Variants in ANKRD29 observed in about 807,000 individuals in gnomAD.
ANKRD29 encodes the protein ankyrin repeat domain 29.
Under a neutral mutation model 38.0 loss-of-function variants are expected in ANKRD29, and 32 were observed. The observed-to-expected ratio is 0.84, with a 90% CI of 0.64 to 1.13. ANKRD29 has a LOEUF of 1.13. Ranked by LOEUF, ANKRD29 falls within the 50% of genes most tolerant of loss-of-function variation. The probability of loss-of-function intolerance (pLI) is 0.00; values close to 1 mark genes in which losing one functional copy is unlikely to be tolerated. For missense variants in ANKRD29, 357 were observed against 377.9 expected (o/e 0.94, Z 0.46); for synonymous variants, 135 against 152.4 (o/e 0.89, Z 0.84).
At chr18:23,623,251 A>G (rs1041915065) in intron 6 of ANKRD29, among the ~76,000 whole-genome samples, 4 of 152,194 alleles carry the variant, frequency 2.6e-5, no homozygotes, top group Non-Finnish European at 5.9e-5. Context: ...GCAGGTAGGA[A>G]TGAGTGGGAA....
chr18:23,601,495 T>C (rs759365084), intron 9 of ANKRD29, among the ~76,000 whole-genome samples, 186 bp from the exon 10 acceptor site: 6 of 152,168 alleles, frequency 3.9e-5, no homozygotes, highest in Non-Finnish European at 8.8e-5. Flanking sequence ...GTTATATCCT[T>C]ATCTCATTCT....
chr18:23,632,179 C>T (rs889987385), intron 5 of ANKRD29, among the ~76,000 whole-genome samples: 3 of 152,252 alleles, frequency 2.0e-5, no homozygotes, highest in Admixed American at 6.5e-5. Context: ...ATAACATTTT[C>T]GGAAAGTCTA....
At chr18:23,646,325 G>T in intron 2 of ANKRD29, 38 bp from the exon 3 acceptor site, 1 of 1,569,388 alleles carries the variant, frequency 6.4e-7, no homozygotes, top group Non-Finnish European at 8.8e-7. Context: ...TTAGGCCACT[G>T]CTATGTCAGA....
intron 6 of ANKRD29, among the ~76,000 whole-genome samples, chr18:23,626,383 T>C (rs2059862419): frequency 6.6e-6 from 1 of 152,212 alleles, no homozygotes; most frequent in South Asian, 2.1e-4. Context: ...TATTAAAGTA[T>C]TGTTTTAATA....
chr18:23,644,989 G>GA (rs1877959728), intron 3 of ANKRD29, among the ~76,000 whole-genome samples: 1 of 152,208 alleles, frequency 6.6e-6, no homozygotes, highest in Admixed American at 6.5e-5. Flanking sequence ...ACTCAGAGGT[G>GA]ACGGTCCAGG....
rs146092150 is a variant in ANKRD29, at chr18:23,644,223, C to G, written c.231+1966G>C. On this transcript the variant is annotated intron_variant, in intron 3 of 9. Transcript: ENST00000592179. ...CCATAGACTGGCTAGAAATCAAATA[C>G]TTCTCTCCTCTTCTAGCTGCTTTTC... is the stretch of plus-strand genomic sequence containing the variant. Among the ~76,000 whole-genome samples the G allele has an allele frequency of 2.9e-3, 443 of 152,328 alleles. 2 individuals are homozygous for G. Among genetic ancestry groups the G allele is most frequent in the African/African-American group, 9.9e-3 (413 of 41,578 alleles).
intron 2 of ANKRD29, 173 bp downstream of exon 2, chr18:23,648,910 C>T: frequency 1.9e-6 from 1 of 531,778 alleles, no homozygotes; most frequent in Non-Finnish European, 3.2e-6. Context: ...TCTGACTTCC[C>T]CCAGCATGTT....
intron 4 of ANKRD29, among the ~76,000 whole-genome samples, chr18:23,635,660 A>C (rs958951461): frequency 6.6e-6 from 1 of 152,236 alleles, no homozygotes; most frequent in Non-Finnish European, 1.5e-5. Context: ...GTGTTTATTC[A>C]AAATGCCTAC....
intron 8 of ANKRD29, among the ~76,000 whole-genome samples, chr18:23,615,775 G>C (rs1157578557): frequency 1.3e-5 from 2 of 151,650 alleles, no homozygotes; most frequent in African/African-American, 2.4e-5. Context: ...AGTTGGGAGA[G>C]ACTTGTATGG....
intron 1 of ANKRD29, among the ~76,000 whole-genome samples, chr18:23,651,518 T>C (rs1401576623): frequency 6.6e-6 from 1 of 152,168 alleles, no homozygotes; most frequent in East Asian, 1.9e-4. Flanking sequence ...TCTGGTAGGG[T>C]GAATCAGGCA....
intron 4 of ANKRD29, among the ~76,000 whole-genome samples, chr18:23,636,891 T>G (rs1292714398): frequency 1.3e-5 from 2 of 152,212 alleles, no homozygotes; most frequent in East Asian, 3.8e-4. Context: ...AACACAGTTT[T>G]GGGGCATATA....
At chr18:23,601,429 C>A in intron 9 of ANKRD29, 120 bp from the exon 10 acceptor site, 1 of 701,760 alleles carries the variant, frequency 1.4e-6, no homozygotes, top group South Asian at 1.7e-5. Flanking sequence ...CCACACTGGA[C>A]TCACTCTTTT....
At chr18:23,662,658 C>T in intron 1 of ANKRD29, 52 bp downstream of exon 1, 2 of 1,180,484 alleles carry the variant, frequency 1.7e-6, no homozygotes, top group Non-Finnish European at 2.2e-6. Flanking sequence ...CCCCGCGGGC[C>T]CGGCCGCCCG....
intron 7 of ANKRD29, chr18:23,618,739 A>G (rs1404237318): frequency 6.7e-6 from 1 of 149,154 alleles, no homozygotes; most frequent in Non-Finnish European, 1.5e-5. Flanking sequence ...GATTTAGTCC[A>G]TAATTCTCCC....
In ANKRD29 at chr18:23,612,965, C is replaced by T. The variant is rs189183394; in HGVS notation, c.724-775G>A. ...ATAGTACCTAATGCAAACTTAGTTT[C>T]CTAATTAGTTGCTCATAATAAAAAC... On this transcript the variant is annotated intron_variant, in intron 8 of 9. Coordinates refer to ENST00000592179, the MANE Select transcript of ANKRD29 (RefSeq NM_173505.4). 9.9e-5 allele frequency among the ~76,000 whole-genome samples: 15 copies of T among 151,988 alleles called. No individual in the cohort carries two copies. In the East Asian group the frequency reaches 2.5e-3, roughly 25 times the overall value.
intron 3 of ANKRD29, among the ~76,000 whole-genome samples, chr18:23,642,219 T>C (rs1276084251): frequency 1.3e-5 from 2 of 151,726 alleles, no homozygotes; most frequent in Admixed American, 1.3e-4. Context: ...GAAACACGCC[T>C]TCTGCTTGCC....
At chr18:23,616,105 T>C (rs1282631440) in intron 8 of ANKRD29, among the ~76,000 whole-genome samples, 4 of 150,740 alleles carry the variant, frequency 2.7e-5, no homozygotes, top group Admixed American at 1.3e-4. Flanking sequence ...TATGTATGTA[T>C]GCATACTCTA....
At chr18:23,657,957 G>C (rs2060306341) in intron 1 of ANKRD29, among the ~76,000 whole-genome samples, 1 of 152,240 alleles carries the variant, frequency 6.6e-6, no homozygotes, top group African/African-American at 2.4e-5. Flanking sequence ...CTGAACCAAA[G>C]AGGATTATTC....
At position 23,655,298 on chromosome 18, in the gene ANKRD29, G is replaced by A. The variant is rs141414586; in HGVS notation, c.22-6105C>T. Among the ~76,000 whole-genome samples the A allele has an allele frequency of 4.3e-3, 660 of 151,850 alleles. 2 individuals carry two copies. The highest frequency in any genetic ancestry group is 4.1e-3 in the Non-Finnish European group (281 of 67,998). On this transcript the variant is annotated intron_variant, in intron 1 of 9. Transcript: ENST00000592179. ...ACTTCACTCCCTTTGGAACTTAGGCGCAACGATTAACCAGCATTAATATTA... is the reference window on the plus strand; with the variant it reads ...ACTTCACTCCCTTTGGAACTTAGGCACAACGATTAACCAGCATTAATATTA...
Sources: allele counts gnomAD v4.1 joint callset (sites outside exome capture counted in the v4.1 genomes callset), GRCh38; gene constraint gnomAD v4.1.1; transcripts MANE v1.5; gene names NCBI Gene and HGNC (gene_info 2026-07-23, HGNC 2026-07-21).